ALK: variants seen among roughly 807,000 people sequenced by gnomAD.
ALK encodes the protein ALK tyrosine kinase receptor.
ALK carries 74 observed loss-of-function variants against 163.1 expected under a neutral mutation model. The ratio of observed to expected loss-of-function variants is 0.45; its 90% CI spans 0.38 to 0.55. ALK has a LOEUF of 0.55. Ranked by LOEUF, ALK falls within the 20% of genes least tolerant of loss-of-function variation. ALK has a pLI of 0.00. For synonymous variants in ALK, 960 were observed against 843.2 expected (o/e 1.14, Z -2.40); for missense variants, 2,063 against 2,105.3 (o/e 0.98, Z 0.39).
chr2:29,411,872 C>A (rs757159359), intron 4 of ALK, among the ~76,000 whole-genome samples: 5 of 152,200 alleles, frequency 3.3e-5, no homozygotes, highest in Non-Finnish European at 7.3e-5. Context: ...TCATCCTTGG[C>A]AAATCCTTTG....
chr2:29,821,515 C>T lies in ALK; in HGVS notation c.667+98478G>A, dbSNP rs1665047149. Among the ~76,000 whole-genome samples, 3 of 152,110 alleles carry T rather than the reference C, an allele frequency of 2.0e-5. No individual in the cohort carries two copies. The South Asian group carries it at 6.2e-4, about 32-fold the overall frequency. On this transcript the variant is annotated intron_variant, in intron 1 of 28. Coordinates refer to ENST00000389048, the MANE Select transcript of ALK (RefSeq NM_004304.5). Reference sequence around the variant, plus strand: ...TCATATCCTGGTGAGAAGGTGCAATCCCTGAAATTCAGTCCTGCTGCCCTG... The same window carrying T: ...TCATATCCTGGTGAGAAGGTGCAATTCCTGAAATTCAGTCCTGCTGCCCTG...
chr2:29,614,304 C>T (rs923757296), intron 3 of ALK, among the ~76,000 whole-genome samples: 4 of 152,310 alleles, frequency 2.6e-5, no homozygotes, highest in East Asian at 1.9e-4. Flanking sequence ...TGTCGCCTCT[C>T]GAAAGTCCAG....
chr2:29,283,827 A>G (rs1547591), intron 9 of ALK, among the ~76,000 whole-genome samples: 136,693 of 152,206 alleles, frequency 0.9, 62,546 homozygotes, highest in Non-Finnish European at 0.99. Context: ...TGCTTCCTCA[A>G]GCAGTGCCAC....
intron 1 of ALK, among the ~76,000 whole-genome samples, chr2:29,876,771 ATGGTGATGATGG>A (rs1187434794): frequency 9.7e-4 from 147 of 151,880 alleles, no homozygotes; most frequent in Middle Eastern, 3.4e-3. Flanking sequence ...GGTGATGATG[ATGGTGATGATGG>A]TGGTGATAAT....
intron 5 of ALK, among the ~76,000 whole-genome samples, chr2:29,372,506 G>T (rs1668661798): frequency 6.6e-6 from 1 of 152,222 alleles, no homozygotes; most frequent in Non-Finnish European, 1.5e-5. Flanking sequence ...TTGGACACAG[G>T]GAATGGTAGA....
intron 5 of ALK, among the ~76,000 whole-genome samples, chr2:29,353,323 T>A (rs142329050): frequency 1.3e-5 from 2 of 152,342 alleles, no homozygotes; most frequent in East Asian, 1.9e-4. Context: ...GGGAAGATAA[T>A]GAGCTTGATG....
At chr2:29,643,096 A>C (rs1176653650) in intron 3 of ALK, among the ~76,000 whole-genome samples, 1 of 152,164 alleles carries the variant, frequency 6.6e-6, no homozygotes, top group Non-Finnish European at 1.5e-5. Context: ...GGAAAGCCAA[A>C]GAGATAAAAT....
At chr2:29,224,913 T>G (rs1051935531) in intron 19 of ALK, among the ~76,000 whole-genome samples, 6 of 152,232 alleles carry the variant, frequency 3.9e-5, no homozygotes, top group Non-Finnish European at 7.3e-5. Context: ...GTCCTGGGCA[T>G]GTCTCTGCCA....
At chr2:29,547,316 G>A (rs1412360356) in intron 3 of ALK, among the ~76,000 whole-genome samples, 5 of 152,146 alleles carry the variant, frequency 3.3e-5, no homozygotes, top group Non-Finnish European at 7.4e-5. Context: ...ATAATACGGG[G>A]CCAGGCGAGG....
intron 1 of ALK, among the ~76,000 whole-genome samples, chr2:29,757,523 G>A (rs1474270047): frequency 6.6e-6 from 1 of 152,068 alleles, no homozygotes; most frequent in Admixed American, 6.5e-5. Context: ...TTGAATTTCA[G>A]ATAAAAAGCA....
chr2:29,669,227 C>T lies in ALK; in HGVS notation c.952+25623G>A, dbSNP rs138489991. On this transcript the variant is annotated intron_variant, in intron 3 of 28. Transcript: ENST00000389048. ...TCTCTTACTATTATTGGACTGTAGTCTATCTCTCCCTTTAGATCTATTAGT... is the reference window on the plus strand; with the variant it reads ...TCTCTTACTATTATTGGACTGTAGTTTATCTCTCCCTTTAGATCTATTAGT... Among the ~76,000 whole-genome samples, 272 of 152,106 alleles carry T rather than the reference C, an allele frequency of 1.8e-3. 2 individuals are homozygous for T. In the East Asian group the frequency reaches 0.04, roughly 23 times the overall value.
intron 3 of ALK, among the ~76,000 whole-genome samples, chr2:29,634,809 G>A (rs1460250772): frequency 6.6e-6 from 1 of 152,030 alleles, no homozygotes; most frequent in Admixed American, 6.6e-5. Context: ...CAAAGAAACA[G>A]AAATAAAAGA....
At chr2:29,461,814 T>G (rs1671090532) in intron 4 of ALK, among the ~76,000 whole-genome samples, 4 of 152,076 alleles carry the variant, frequency 2.6e-5, no homozygotes, top group Non-Finnish European at 4.4e-5. Flanking sequence ...ATAAATGCAT[T>G]CGTTAGGCTG....
intron 14 of ALK, among the ~76,000 whole-genome samples, chr2:29,233,179 A>G (rs919076400): frequency 9.9e-5 from 15 of 152,044 alleles, no homozygotes; most frequent in Admixed American, 9.8e-4. Context: ...GTCTTGCTCT[A>G]TTGCTCAGGC....
intron 4 of ALK, among the ~76,000 whole-genome samples, chr2:29,445,704 C>T (rs543811501): frequency 3.2e-4 from 48 of 152,272 alleles, no homozygotes; most frequent in African/African-American, 1.0e-3. Context: ...TGCCTGTAGT[C>T]CCAGTTACTT....
intron 5 of ALK, 64 bp from the exon 6 acceptor site, chr2:29,328,545 A>T (rs1355897982): frequency 2.5e-6 from 4 of 1,610,510 alleles, no homozygotes; most frequent in African/African-American, 2.7e-5. Context: ...AGCTGGCCTG[A>T]TGGGTTGGTC....
At chr2:29,261,510 T>C (rs1665088223) in intron 11 of ALK, among the ~76,000 whole-genome samples, 1 of 152,206 alleles carries the variant, frequency 6.6e-6, no homozygotes, top group Non-Finnish European at 1.5e-5. Context: ...ATGCCATTTA[T>C]CTGGTCAGAG....
chr2:29,205,868 C>G (rs1040699930), intron 26 of ALK, among the ~76,000 whole-genome samples: 3 of 152,168 alleles, frequency 2.0e-5, no homozygotes, highest in Admixed American at 1.3e-4. Context: ...CCTCGGGCGG[C>G]CATTACTCAG....
intron 1 of ALK, among the ~76,000 whole-genome samples, chr2:29,787,957 G>C (rs752523642): frequency 2.0e-5 from 3 of 152,202 alleles, no homozygotes; most frequent in Admixed American, 6.5e-5. Flanking sequence ...TATTGGTTAG[G>C]TGTGGCACAT....
Sources: allele counts gnomAD v4.1 joint callset (sites outside exome capture counted in the v4.1 genomes callset), GRCh38; gene constraint gnomAD v4.1.1; transcripts MANE v1.5; gene names NCBI Gene and HGNC (gene_info 2026-07-23, HGNC 2026-07-21).